The following RSPRY1 variants were observed in gnomAD, a reference collection of about 807,000 sequenced individuals.
RSPRY1 encodes RING finger and SPRY domain-containing protein 1.
Under a neutral mutation model 73.1 loss-of-function variants are expected in RSPRY1, and 23 were observed. The observed-to-expected ratio is 0.31, with a 90% confidence interval of 0.23 to 0.45. The LOEUF is 0.45. Ranked by LOEUF, RSPRY1 falls within the 20% of genes least tolerant of loss-of-function variation. The probability of loss-of-function intolerance (pLI) is 1.00; values close to 1 mark genes in which losing one functional copy is unlikely to be tolerated. For missense variants in RSPRY1, 448 were observed against 698.7 expected (o/e 0.64, Z 4.05); for synonymous variants, 226 against 251.4 (o/e 0.90, Z 0.95).
In RSPRY1 at chr16:57,208,302, CTTTTTTTTTTT is replaced by C. The variant is rs34138044; in HGVS notation, c.403+205_403+215del. Among the ~76,000 whole-genome samples, 4 of 79,186 alleles carry C rather than the reference CTTTTTTTTTTT, an allele frequency of 5.1e-5. No individual in the cohort carries two copies. In the South Asian group the frequency reaches 1.6e-3, roughly 31 times the overall value. The allele number at this position is 79,186 out of a possible 152,430, so 51.9% of individuals were successfully genotyped here. On this transcript the variant is annotated intron_variant, in intron 3 of 14. Transcript: ENST00000394420. ...GTATAATAGGCAATGCATATTATACCTTTTTTTTTTTTTTTTTTTTTTTGGCATTGATGGAT... is the reference window on the plus strand; with the variant it reads ...GTATAATAGGCAATGCATATTATACCTTTTTTTTTTTTGGCATTGATGGAT...
intron 6 of RSPRY1, 102 bp downstream of exon 6, chr16:57,214,048 G>C: frequency 1.3e-6 from 1 of 768,346 alleles, no homozygotes; most frequent in South Asian, 1.5e-5. Flanking sequence ...CTGGCACAGA[G>C]AATGGAATCA....
At chr16:57,235,724 G>A (rs568823549) in intron 14 of RSPRY1, among the ~76,000 whole-genome samples, 169 of 152,314 alleles carry the variant, frequency 1.1e-3, no homozygotes, top group African/African-American at 3.9e-3. Flanking sequence ...GCAATGTGGC[G>A]TCCTGGCCAG....
intron 4 of RSPRY1, among the ~76,000 whole-genome samples, chr16:57,210,812 G>A (rs2074827879): frequency 6.6e-6 from 1 of 151,966 alleles, no homozygotes; most frequent in Non-Finnish European, 1.5e-5. Flanking sequence ...GAGTCCAGGA[G>A]TTCAAGACCA....
chr16:57,208,838 C>T (rs1016565901), intron 3 of RSPRY1, among the ~76,000 whole-genome samples: 25 of 152,156 alleles, frequency 1.6e-4, no homozygotes, highest in African/African-American at 3.6e-4. Flanking sequence ...AGCACAAGAC[C>T]ATAGCTTAAC....
chr16:57,194,778 T>C (rs961312459), intron 1 of RSPRY1, among the ~76,000 whole-genome samples: 15 of 152,214 alleles, frequency 9.9e-5, no homozygotes, highest in Non-Finnish European at 2.1e-4. Context: ...GTACTATGGC[T>C]GAATGCAAGC....
intron 1 of RSPRY1, among the ~76,000 whole-genome samples, chr16:57,191,579 G>A (rs1271364289): frequency 6.6e-6 from 1 of 152,090 alleles, no homozygotes; most frequent in Admixed American, 6.6e-5. Context: ...TCAAAATAAT[G>A]TCAGTTTTCA....
chr16:57,225,858 C>A (rs892602795), intron 10 of RSPRY1, among the ~76,000 whole-genome samples: 46 of 152,212 alleles, frequency 3.0e-4, no homozygotes, highest in Non-Finnish European at 1.2e-4. Flanking sequence ...GCGGGCAGAT[C>A]ACCTGAGGTC....
intron 1 of RSPRY1, among the ~76,000 whole-genome samples, chr16:57,189,802 G>A (rs970386165): frequency 1.3e-5 from 2 of 151,406 alleles, no homozygotes; most frequent in Non-Finnish European, 2.9e-5. Context: ...TGTTGCCCAG[G>A]CTGGTCTCAA....
chr16:57,206,934 G>A (rs373097597), intron 2 of RSPRY1, among the ~76,000 whole-genome samples: 1 of 152,080 alleles, frequency 6.6e-6, no homozygotes, highest in Admixed American at 6.6e-5. Flanking sequence ...TCTCAACATC[G>A]AAATCTGTGT....
At chr16:57,227,184 AG>A (rs2075133035) in intron 10 of RSPRY1, among the ~76,000 whole-genome samples, 157 bp from the exon 11 acceptor site, 1 of 152,202 alleles carries the variant, frequency 6.6e-6, no homozygotes, top group African/African-American at 2.4e-5. Context: ...CAGCCCTCTA[AG>A]TCATAATTTT....
intron 5 of RSPRY1, 90 bp downstream of exon 5, chr16:57,213,188 A>T (rs1045038636): frequency 3.2e-6 from 4 of 1,236,748 alleles, no homozygotes; most frequent in Non-Finnish European, 2.2e-6. Context: ...AAACTGCTAT[A>T]CCAGAAAGAA....
intron 1 of RSPRY1, among the ~76,000 whole-genome samples, chr16:57,197,539 G>GT (rs2074472589): frequency 6.6e-6 from 1 of 151,542 alleles, no homozygotes; most frequent in Non-Finnish European, 1.5e-5. Flanking sequence ...AGTATTTACA[G>GT]TTTTTTTAAA....
intron 8 of RSPRY1, among the ~76,000 whole-genome samples, chr16:57,218,670 T>A (rs1194149524): frequency 6.6e-6 from 1 of 151,668 alleles, no homozygotes; most frequent in Non-Finnish European, 1.5e-5. Flanking sequence ...CAGGATCTCA[T>A]TCTTTTTTGT....
At chr16:57,196,222 T>G (rs1453318638) in intron 1 of RSPRY1, among the ~76,000 whole-genome samples, 4 of 152,098 alleles carry the variant, frequency 2.6e-5, no homozygotes. Context: ...TTCCTTTGTG[T>G]TGATATGTAC....
At chr16:57,231,354 A>G in intron 13 of RSPRY1, 35 bp downstream of exon 13, 1 of 1,562,144 alleles carries the variant, frequency 6.4e-7, no homozygotes, top group Non-Finnish European at 8.7e-7. Context: ...CCAGACTTTC[A>G]CATGAATCTT....
Position 57,204,631 on chromosome 16 carries a change from A to C in RSPRY1, c.-28A>C. On this transcript the variant is annotated 5_prime_UTR_variant, in exon 2 of 15. Transcript: ENST00000394420. ...TTCCTCAACTCCAGGTTATGAAAAC[A>C]GTACTTGGAAAACTGAAAACTACCT... 2 of 1,597,682 alleles carry C rather than the reference A, an allele frequency of 1.3e-6. No homozygotes were observed. The highest frequency in any genetic ancestry group is 2.7e-5 in the African/African-American group (2 of 74,610).
chr16:57,200,959 G>T (rs865784744), intron 1 of RSPRY1, among the ~76,000 whole-genome samples: 3,610 of 123,526 alleles, frequency 0.029, 342 homozygotes, highest in East Asian at 0.17. Flanking sequence ...GGGGGGGGGG[G>T]GGCTGACCCC....
intron 1 of RSPRY1, among the ~76,000 whole-genome samples, chr16:57,190,264 G>A (rs1369749323): frequency 7.9e-5 from 12 of 152,178 alleles, no homozygotes; most frequent in Admixed American, 7.9e-4. Flanking sequence ...AGCTACTTGG[G>A]AGGCTGAGGT....
intron 1 of RSPRY1, among the ~76,000 whole-genome samples, chr16:57,201,040 G>A (rs796396292): frequency 0.043 from 2,412 of 56,350 alleles, no homozygotes; most frequent in Middle Eastern, 0.057. Context: ...CCGGATGGGC[G>A]GCTGGCCGGG....
Sources: allele counts gnomAD v4.1 joint callset (sites outside exome capture counted in the v4.1 genomes callset), GRCh38; gene constraint gnomAD v4.1.1; transcripts MANE v1.5; gene names NCBI Gene and HGNC (gene_info 2026-07-23, HGNC 2026-07-21).